The following DAB1 variants were observed in gnomAD, a reference collection of about 807,000 sequenced individuals.
DAB1 encodes the protein DAB adaptor protein 1.
Under a neutral mutation model 64.6 loss-of-function variants are expected in DAB1, and 15 were observed. The observed-to-expected ratio is 0.23, with a 90% confidence interval of 0.16 to 0.36. The LOEUF is 0.36. Ranked by LOEUF, DAB1 falls within the 10% of genes least tolerant of loss-of-function variation. DAB1 has a pLI of 1.00. For missense variants in DAB1, 596 were observed against 706.7 expected, an observed-to-expected ratio of 0.84 and a Z score of 1.78; for synonymous variants, 235 against 251.9, an observed-to-expected ratio of 0.93 and a Z score of 0.64.
intron 7 of DAB1, among the ~76,000 whole-genome samples, chr1:57,620,353 A>T (rs1025979678): frequency 1.3e-5 from 2 of 152,190 alleles, no homozygotes; most frequent in African/African-American, 4.8e-5. Flanking sequence ...ACCAATGTTT[A>T]CAGGGTTAAA....
chr1:57,898,869 C>T (rs927031876), intron 5 of DAB1, among the ~76,000 whole-genome samples: 4 of 152,050 alleles, frequency 2.6e-5, no homozygotes, highest in South Asian at 4.1e-4. Context: ...TGCGTGTGTG[C>T]GTGCGTGTAT....
intron 9 of DAB1, chr1:57,033,264 A>T: frequency 1.0e-6 from 1 of 998,224 alleles, no homozygotes; most frequent in Non-Finnish European, 1.6e-6. Flanking sequence ...ACATTTGAAT[A>T]GGTACCTACT....
At chr1:57,030,465 G>A (rs1046219495) in intron 9 of DAB1, among the ~76,000 whole-genome samples, 3 of 152,218 alleles carry the variant, frequency 2.0e-5, no homozygotes, top group Non-Finnish European at 4.4e-5. Flanking sequence ...CATCCAGGCA[G>A]AGGAAACTGC....
intron 7 of DAB1, among the ~76,000 whole-genome samples, chr1:57,619,430 T>C (rs982542444): frequency 6.6e-6 from 1 of 152,180 alleles, no homozygotes; most frequent in African/African-American, 2.4e-5. Flanking sequence ...AGACAGAATC[T>C]TGCTCTATTG....
chr1:58,410,004 C>G (rs1300031014), intron 3 of DAB1, among the ~76,000 whole-genome samples: 1 of 152,218 alleles, frequency 6.6e-6, no homozygotes, highest in African/African-American at 2.4e-5. Flanking sequence ...CACACACCAC[C>G]TCCATCCCCA....
At chr1:58,116,914 C>T (rs920475001) in intron 5 of DAB1, among the ~76,000 whole-genome samples, 1 of 152,130 alleles carries the variant, frequency 6.6e-6, no homozygotes, top group Non-Finnish European at 1.5e-5. Flanking sequence ...CTTATTGGCA[C>T]AAAATCCTAA....
intron 6 of DAB1, among the ~76,000 whole-genome samples, chr1:57,703,401 A>C (rs2101733644): frequency 6.6e-6 from 1 of 152,374 alleles, no homozygotes; most frequent in African/African-American, 2.4e-5. Context: ...TTTCAAAAGA[A>C]GACATACATG....
At chr1:58,134,983 T>C (rs763987817) in intron 5 of DAB1, among the ~76,000 whole-genome samples, 2 of 152,196 alleles carry the variant, frequency 1.3e-5, no homozygotes, top group Non-Finnish European at 2.9e-5. Flanking sequence ...GCTGGCTTCA[T>C]GTGGAGATGA....
At chr1:57,790,835 C>T (rs1340835361) in intron 6 of DAB1, among the ~76,000 whole-genome samples, 1 of 152,104 alleles carries the variant, frequency 6.6e-6, no homozygotes, top group African/African-American at 2.4e-5. Flanking sequence ...CCTCAATAAA[C>T]TGGTTTTACA....
chr1:57,008,223 G>C (rs1293685556), intron 14 of DAB1, among the ~76,000 whole-genome samples: 1 of 152,172 alleles, frequency 6.6e-6, no homozygotes, highest in African/African-American at 2.4e-5. Flanking sequence ...TATGGGGTGG[G>C]GCAAGCCAGA....
chr1:57,975,413 G>A (rs1480654238), intron 5 of DAB1, among the ~76,000 whole-genome samples: 1 of 152,214 alleles, frequency 6.6e-6, no homozygotes, highest in Non-Finnish European at 1.5e-5. Flanking sequence ...GAAAGCAAAA[G>A]ACTGTTAGAC....
chr1:58,534,478 CA>C, intron 1 of DAB1: 1 of 517,586 alleles, frequency 1.9e-6, no homozygotes, highest in Non-Finnish European at 3.4e-6. Context: ...TGAAATTTCT[CA>C]AATCTGAATT....
At chr1:57,853,021 T>C (rs578008562) in intron 1 of DAB1, among the ~76,000 whole-genome samples, 2 of 152,168 alleles carry the variant, frequency 1.3e-5, no homozygotes, top group African/African-American at 4.8e-5. Flanking sequence ...CCACAGTTTA[T>C]CCTTTTTTTG....
chr1:58,383,849 T>A (rs991709594), intron 3 of DAB1, among the ~76,000 whole-genome samples: 2 of 152,236 alleles, frequency 1.3e-5, no homozygotes, highest in Non-Finnish European at 2.9e-5. Flanking sequence ...TGTGGGTGTG[T>A]AGGTATCTCT....
chr1:57,161,232 T>TGG (rs1660716230), intron 2 of DAB1, among the ~76,000 whole-genome samples: 1 of 152,160 alleles, frequency 6.6e-6, no homozygotes, highest in Non-Finnish European at 1.5e-5. Context: ...ATGACAGGCG[T>TGG]GGTGCTCAGA....
intron 1 of DAB1, among the ~76,000 whole-genome samples, chr1:57,376,233 C>T (rs931973798): frequency 6.6e-6 from 1 of 152,214 alleles, no homozygotes; most frequent in Non-Finnish European, 1.5e-5. Flanking sequence ...TAGTTAAACC[C>T]TTTCCACTCC....
intron 1 of DAB1, among the ~76,000 whole-genome samples, chr1:57,366,345 G>A (rs192067759): frequency 9.9e-5 from 15 of 152,252 alleles, no homozygotes; most frequent in African/African-American, 3.1e-4. Context: ...ACCCACCTAC[G>A]TGAACAAGAT....
chr1:57,518,162 T>C (rs1291185762), intron 7 of DAB1, among the ~76,000 whole-genome samples: 2 of 152,132 alleles, frequency 1.3e-5, no homozygotes, highest in Non-Finnish European at 2.9e-5. Flanking sequence ...ATCTGAATCC[T>C]TGTGCTAAAC....
intron 3 of DAB1, among the ~76,000 whole-genome samples, chr1:58,359,073 A>G (rs1644139335): frequency 6.6e-6 from 1 of 152,002 alleles, no homozygotes; most frequent in South Asian, 2.1e-4. Context: ...GAAAGAGGAG[A>G]GGATAGACCA....
Sources: gnomAD v4.1 joint callset for allele counts (sites outside exome capture counted in the v4.1 genomes callset) on GRCh38, gnomAD v4.1.1 for gene constraint, MANE v1.5 for transcripts, NCBI Gene and HGNC (gene_info 2026-07-23, HGNC 2026-07-21) for gene names.